The following SLMAP variants were observed in gnomAD, a reference collection of about 807,000 sequenced individuals.
SLMAP encodes the protein sarcolemmal membrane-associated protein.
Under a neutral mutation model 128.8 loss-of-function variants are expected in SLMAP, and 44 were observed. The ratio of observed to expected loss-of-function variants is 0.34; its 90% CI spans 0.27 to 0.44. The LOEUF is 0.44. SLMAP is among the 20% of genes least tolerant of loss of function. The pLI is 1.00. For missense variants in SLMAP, 787 were observed against 985.3 expected (o/e 0.80, Z 2.69); for synonymous variants, 327 against 348.8 (o/e 0.94, Z 0.70).
chr3:57,897,023 A>G (rs1254037315), intron 17 of SLMAP, 91 bp downstream of exon 17: 2 of 1,569,536 alleles, frequency 1.3e-6, no homozygotes, highest in African/African-American at 2.7e-5. Context: ...TGAAGTTTTA[A>G]TTTTTAGTTA....
In SLMAP at chr3:57,869,660, A is replaced by ATATAAT. The variant is rs1553900183; in HGVS notation, c.1238-1976_1238-1975insTATAAT. Among the ~76,000 whole-genome samples the ATATAAT allele has an allele frequency of 8.6e-5, 7 of 81,368 alleles. No homozygotes were observed. The South Asian group carries it at 1.1e-3, about 13-fold the overall frequency. 53.4% of individuals were successfully genotyped at this position (81,368 alleles called of 152,430 possible). On this transcript the variant is annotated intron_variant, in intron 13 of 24. Transcript: ENST00000671191. The stretch of plus-strand genomic sequence containing the variant: ...TATATATATATATATATATATATAT[A>ATATAAT]ATATATATAAACAAAACAAATTCTA...
At chr3:57,796,402 G>A (rs187344643) in intron 2 of SLMAP, among the ~76,000 whole-genome samples, 4 of 152,112 alleles carry the variant, frequency 2.6e-5, no homozygotes, top group East Asian at 1.9e-4. Context: ...AGCATGGATC[G>A]TGGAGCCTGA....
chr3:57,825,296 C>T (rs1035413674), intron 2 of SLMAP, among the ~76,000 whole-genome samples: 1 of 151,772 alleles, frequency 6.6e-6, no homozygotes, highest in Non-Finnish European at 1.5e-5. Context: ...TGAAAGCCGG[C>T]ATCCTTGTCT....
At position 57,925,826 on chromosome 3, in the gene SLMAP, T is replaced by C. The variant is rs2096997544; in HGVS notation, c.2446-19T>C. On this transcript the variant is annotated intron_variant, in intron 23 of 24. Coordinates refer to ENST00000671191, the MANE Select transcript of SLMAP (RefSeq NM_001377540.1). ...CTTTCATAGCATAAAATGATTTTAA[T>C]ATGCCTTCCCTTCTTTAGCCTTCCA... The C allele has an allele frequency of 6.6e-7, 1 of 1,522,536 alleles. No individual in the cohort carries two copies. The highest frequency in any genetic ancestry group is 8.9e-7 in the Non-Finnish European group (1 of 1,121,052). The allele number at this position is 1,522,536 out of a possible 1,614,324, so 94.3% of individuals were successfully genotyped here.
At chr3:57,765,865 A>T (rs1307958952) in intron 2 of SLMAP, among the ~76,000 whole-genome samples, 1 of 152,182 alleles carries the variant, frequency 6.6e-6, no homozygotes, top group Non-Finnish European at 1.5e-5. Context: ...AAAATATTTT[A>T]TCTGTGATTT....
chr3:57,906,674 A>AATAT (rs71091317), intron 17 of SLMAP, among the ~76,000 whole-genome samples: 47 of 67,450 alleles, frequency 7.0e-4, no homozygotes, highest in African/African-American at 1.9e-3. Context: ...ATGAAAAAAA[A>AATAT]ATATATATAT....
At chr3:57,913,601 G>A (rs114783965) in intron 21 of SLMAP, among the ~76,000 whole-genome samples, 1,922 of 152,228 alleles carry the variant, frequency 0.013, 28 homozygotes, top group African/African-American at 0.044. Context: ...AATATCAACT[G>A]CTTTTCTTTC....
chr3:57,826,130 C>G (rs2092910423), intron 2 of SLMAP, among the ~76,000 whole-genome samples: 1 of 152,100 alleles, frequency 6.6e-6, no homozygotes, highest in South Asian at 2.1e-4. Context: ...TGTGAGCCTT[C>G]TAATTTGTAT....
chr3:57,837,535 A>AT (rs1560173634), intron 3 of SLMAP, among the ~76,000 whole-genome samples: 2 of 151,958 alleles, frequency 1.3e-5, no homozygotes, highest in South Asian at 2.1e-4. Flanking sequence ...CGTCCGGCTA[A>AT]TTTTTTTGTA....
rs557494311 is a variant in SLMAP at position 57,886,761 on chromosome 3, G to GA, written c.1301-3270dup. ...AGTGACAGATACGAGCTTATAAACT[G>GA]AAAAAAAAAATGCACCGAGTACTTA... On this transcript the variant is annotated intron_variant, in intron 14 of 24. Coordinates refer to ENST00000671191, the MANE Select transcript of SLMAP (RefSeq NM_001377540.1). Among the ~76,000 whole-genome samples the GA allele has an allele frequency of 9.2e-3, 1,305 of 142,304 alleles. 10 individuals carry two copies. Among genetic ancestry groups the GA allele is most frequent in the African/African-American group, 0.02 (776 of 38,980 alleles). 93.4% of individuals were successfully genotyped at this position (142,304 alleles called of 152,430 possible).
At chr3:57,844,278 C>T (rs890733843) in intron 4 of SLMAP, among the ~76,000 whole-genome samples, 3 of 151,972 alleles carry the variant, frequency 2.0e-5, no homozygotes, top group Admixed American at 6.5e-5. Flanking sequence ...CCTGTAGTCC[C>T]AGCTACTCAG....
At chr3:57,850,289 A>C (rs1284218395) in intron 6 of SLMAP, among the ~76,000 whole-genome samples, 1 of 152,242 alleles carries the variant, frequency 6.6e-6, no homozygotes, top group Non-Finnish European at 1.5e-5. Flanking sequence ...TTCAAAAAAG[A>C]ACAAAGGATT....
At chr3:57,877,853 T>A (rs1233950660) in intron 14 of SLMAP, among the ~76,000 whole-genome samples, 2 of 137,842 alleles carry the variant, frequency 1.5e-5, no homozygotes, top group Non-Finnish European at 1.6e-5. Context: ...TTTTTTTTTT[T>A]AAACAGAGTC....
intron 15 of SLMAP, among the ~76,000 whole-genome samples, chr3:57,894,957 T>G (rs992098809): frequency 1.3e-5 from 2 of 152,098 alleles, no homozygotes; most frequent in African/African-American, 4.8e-5. Context: ...CCATATAGGA[T>G]TTCATTCAGA....
chr3:57,794,895 A>G (rs1402413702), intron 2 of SLMAP, among the ~76,000 whole-genome samples: 2 of 152,204 alleles, frequency 1.3e-5, no homozygotes, highest in Non-Finnish European at 2.9e-5. Flanking sequence ...AAGTTTGTGT[A>G]CAAGCTTTTG....
intron 12 of SLMAP, 139 bp from the exon 13 acceptor site, chr3:57,865,103 G>A (rs2095259571): frequency 3.3e-6 from 2 of 602,032 alleles, no homozygotes; most frequent in East Asian, 5.8e-5. Flanking sequence ...AATAAGAAAA[G>A]TACATGAACA....
At chr3:57,773,803 TA>T (rs2081326962) in intron 2 of SLMAP, among the ~76,000 whole-genome samples, 1 of 152,198 alleles carries the variant, frequency 6.6e-6, no homozygotes, top group Non-Finnish European at 1.5e-5. Flanking sequence ...CTTTTATTTT[TA>T]AAAACTACCT....
At chr3:57,903,201 A>G (rs985238956) in intron 17 of SLMAP, among the ~76,000 whole-genome samples, 1 of 152,136 alleles carries the variant, frequency 6.6e-6, no homozygotes, top group African/African-American at 2.4e-5. Flanking sequence ...AAGAGTGGCA[A>G]AGGGGTAAGA....
At chr3:57,858,953 A>G (rs188571338) in intron 8 of SLMAP, among the ~76,000 whole-genome samples, 1 of 152,240 alleles carries the variant, frequency 6.6e-6, no homozygotes, top group East Asian at 1.9e-4. Context: ...AACAACAACA[A>G]CAACAACAAA....
Sources: allele counts gnomAD v4.1 joint callset (sites outside exome capture counted in the v4.1 genomes callset), GRCh38; gene constraint gnomAD v4.1.1; transcripts MANE v1.5; gene names NCBI Gene and HGNC (gene_info 2026-07-23, HGNC 2026-07-21).